DCDC2: variants seen among roughly 807,000 people sequenced by gnomAD.
The protein encoded by DCDC2 is doublecortin domain containing 2.
A neutral mutation model predicts 50.2 loss-of-function variants in DCDC2; 40 were observed. The ratio of observed to expected loss-of-function variants is 0.80; its 90% CI spans 0.62 to 1.04. The LOEUF (loss-of-function observed/expected upper bound fraction) is 1.04, where lower values mean the gene tolerates loss of function less well. Ranked by LOEUF, DCDC2 falls within the 50% of genes least tolerant of loss-of-function variation. The pLI is 0.00. For synonymous variants in DCDC2, 234 were observed against 210.6 expected (o/e 1.11, Z -0.96); for missense variants, 570 against 581.9 (o/e 0.98, Z 0.21).
At chr6:24,191,743 C>T (rs555151734) in intron 8 of DCDC2, among the ~76,000 whole-genome samples, 1 of 152,220 alleles carries the variant, frequency 6.6e-6, no homozygotes, top group East Asian at 1.9e-4. Flanking sequence ...TTCTTAGCTC[C>T]CTTCTGATGC....
chr6:24,378,538 T>C, the DCDC2 span, among the ~76,000 whole-genome samples: 43 of 152,262 alleles, frequency 2.8e-4, no homozygotes, highest in African/African-American at 1.0e-3. Flanking sequence ...CCATGTGGAA[T>C]AAAGTTGAAG....
chr6:24,206,739 A>T (rs1368296828), intron 7 of DCDC2, among the ~76,000 whole-genome samples: 1 of 152,262 alleles, frequency 6.6e-6, no homozygotes, highest in African/African-American at 2.4e-5. Flanking sequence ...ACAACAAATA[A>T]AATAAAATTG....
At chr6:24,299,907 GA>G (rs1234973892) in intron 4 of DCDC2, among the ~76,000 whole-genome samples, 1 of 150,188 alleles carries the variant, frequency 6.7e-6, no homozygotes, top group Non-Finnish European at 1.5e-5. Context: ...CAACAAGAGT[GA>G]AACTCCATCT....
intron 2 of DCDC2, among the ~76,000 whole-genome samples, chr6:24,309,514 A>C (rs771748519): frequency 5.9e-5 from 9 of 152,206 alleles, no homozygotes; most frequent in Non-Finnish European, 1.3e-4. Flanking sequence ...AAAATAAGTT[A>C]AGGATGTATA....
At chr6:24,358,796 A>ATTTTTATATATAATATATAAAATATATAT (rs1172457884), upstream of DCDC2, among the ~76,000 whole-genome samples, 2 of 66,700 alleles carry the variant, frequency 3.0e-5, no homozygotes, top group African/African-American at 1.1e-4. Flanking sequence ...TAAAATATAT[A>ATTTTTATATATAATATATAAAATATATAT]TTTTATATAT....
At chr6:24,179,112 C>T (rs969233877) in intron 8 of DCDC2, among the ~76,000 whole-genome samples, 1 of 152,144 alleles carries the variant, frequency 6.6e-6, no homozygotes, top group Non-Finnish European at 1.5e-5. Context: ...TGGCACCAGG[C>T]TGTGAATTCA....
chr6:24,274,070 A>G (rs1472166179), intron 7 of DCDC2, among the ~76,000 whole-genome samples: 1 of 152,234 alleles, frequency 6.6e-6, no homozygotes, highest in East Asian at 1.9e-4. Context: ...TCAAAAGAAT[A>G]CAACTCTTAT....
chr6:24,377,055 T>C, the DCDC2 span, among the ~76,000 whole-genome samples: 1 of 152,170 alleles, frequency 6.6e-6, no homozygotes, highest in Non-Finnish European at 1.5e-5. Context: ...ATCTGGAGGA[T>C]TCTCCTGTCT....
chr6:24,240,594 A>G (rs1581605883), intron 7 of DCDC2, among the ~76,000 whole-genome samples: 1 of 152,254 alleles, frequency 6.6e-6, no homozygotes, highest in African/African-American at 2.4e-5. Context: ...ATTTTAGAAT[A>G]CATGATTTAC....
chr6:24,340,604 T>C (rs539378181), intron 2 of DCDC2, among the ~76,000 whole-genome samples: 4 of 152,310 alleles, frequency 2.6e-5, no homozygotes, highest in African/African-American at 9.6e-5. Context: ...AAATTTGTAA[T>C]ACTGGAAATC....
At chr6:24,382,107 A>G in the DCDC2 span, among the ~76,000 whole-genome samples, 58 of 152,286 alleles carry the variant, frequency 3.8e-4, no homozygotes, top group Middle Eastern at 6.8e-3. Flanking sequence ...GGGCAAGCTA[A>G]GCTCAAAATC....
chr6:24,335,296 C>T (rs958599950), intron 2 of DCDC2, among the ~76,000 whole-genome samples: 2 of 151,992 alleles, frequency 1.3e-5, no homozygotes, highest in South Asian at 2.1e-4. Context: ...AGATAGGATG[C>T]GATAACTAAA....
intron 4 of DCDC2, among the ~76,000 whole-genome samples, chr6:24,296,175 C>T (rs186483977): frequency 2.6e-5 from 4 of 152,210 alleles, no homozygotes; most frequent in African/African-American, 7.2e-5. Flanking sequence ...TAACACAGTA[C>T]ACCTACTTCC....
chr6:24,334,361 A>G (rs1760019706), intron 2 of DCDC2, among the ~76,000 whole-genome samples: 1 of 152,202 alleles, frequency 6.6e-6, no homozygotes, highest in Non-Finnish European at 1.5e-5. Context: ...CTCATTAAAT[A>G]AGGTTAAGAT....
intron 2 of DCDC2, among the ~76,000 whole-genome samples, chr6:24,314,922 T>C (rs1759634840): frequency 6.6e-6 from 1 of 152,120 alleles, no homozygotes; most frequent in Non-Finnish European, 1.5e-5. Flanking sequence ...AAAACTGATA[T>C]ACTAGTGCTA....
At chr6:24,347,368 C>T (rs1760284275) in intron 2 of DCDC2, among the ~76,000 whole-genome samples, 1 of 152,134 alleles carries the variant, frequency 6.6e-6, no homozygotes, top group Admixed American at 6.5e-5. Flanking sequence ...ACCACAACGC[C>T]TAGCACATAA....
intron 2 of DCDC2, among the ~76,000 whole-genome samples, chr6:24,319,241 T>C (rs1759729039): frequency 6.6e-6 from 1 of 152,028 alleles, no homozygotes; most frequent in African/African-American, 2.4e-5. Context: ...TTTTGAAAAA[T>C]GACTATGCAT....
At chr6:24,197,119 G>A (rs1761461202) in intron 8 of DCDC2, among the ~76,000 whole-genome samples, 1 of 151,892 alleles carries the variant, frequency 6.6e-6, no homozygotes, top group Admixed American at 6.6e-5. Context: ...CCAATTTGTT[G>A]ATATTGCCCA....
chr6:24,262,373 G>T (rs911688621), intron 7 of DCDC2, among the ~76,000 whole-genome samples: 1 of 152,244 alleles, frequency 6.6e-6, no homozygotes, highest in Non-Finnish European at 1.5e-5. Context: ...GAGGGCTAAA[G>T]TGCCAGAGCA....
Sources: gnomAD v4.1 joint callset for allele counts (sites outside exome capture counted in the v4.1 genomes callset) on GRCh38, gnomAD v4.1.1 for gene constraint, MANE v1.5 for transcripts, NCBI Gene and HGNC (gene_info 2026-07-23, HGNC 2026-07-21) for gene names.